Variants in BMPR1B observed in about 807,000 individuals in gnomAD.
BMPR1B encodes the protein bone morphogenetic protein receptor type 1B, also known as bone morphogenetic protein receptor type-1B.
BMPR1B carries 12 observed loss-of-function variants against 59.1 expected under a neutral mutation model. The ratio of observed to expected loss-of-function variants is 0.20; its 90% CI spans 0.13 to 0.33. The LOEUF (loss-of-function observed/expected upper bound fraction) is 0.33. BMPR1B is among the 10% of genes least tolerant of loss of function. The pLI, the probability that BMPR1B is intolerant of heterozygous loss-of-function variation, is 1.00. For synonymous variants in BMPR1B, 237 were observed against 207.3 expected, an observed-to-expected ratio of 1.14 and a Z score of -1.23; for missense variants, 550 against 610.9, an observed-to-expected ratio of 0.90 and a Z score of 1.05.
chr4:95,029,059 A>G (rs932976590), intron 3 of BMPR1B, among the ~76,000 whole-genome samples: 2 of 105,432 alleles, frequency 1.9e-5, no homozygotes, highest in East Asian at 2.6e-4. Flanking sequence ...GAGAACAGAA[A>G]CATTTTCTTT....
In BMPR1B at chr4:95,148,742, C is replaced by T. The variant is rs374118079; in HGVS notation, c.1077-6C>T. The stretch of plus-strand genomic sequence containing the variant: ...GCTGTAATGCTTTGCTTTACTTTTT[C>T]CTTAGTGATACAAATGAAGTTGACA... On this transcript the variant is annotated splice_polypyrimidine_tract_variant and splice_region_variant and intron_variant, in intron 10 of 12. Coordinates refer to ENST00000515059, the MANE Select transcript of BMPR1B (RefSeq NM_001203.3). 5.0e-6 allele frequency: 8 copies of T among 1,613,576 alleles called. No homozygotes were observed. Among genetic ancestry groups the T allele is most frequent in the Non-Finnish European group, 6.8e-6 (8 of 1,179,626 alleles).
intron 1 of BMPR1B, among the ~76,000 whole-genome samples, chr4:94,855,360 C>T (rs996693413): frequency 2.0e-5 from 3 of 152,268 alleles, no homozygotes; most frequent in Middle Eastern, 6.8e-3. Context: ...CAAGGTCACA[C>T]AGCTATTAAA....
chr4:94,983,007 CG>C (rs1560579356), intron 2 of BMPR1B, among the ~76,000 whole-genome samples: 2 of 150,224 alleles, frequency 1.3e-5, no homozygotes, highest in South Asian at 4.2e-4. Context: ...AAAAAACAAA[CG>C]AAAAAAAAAT....
rs1415495809 is a variant in BMPR1B, at chr4:95,157,559, A to G, written c.*2886A>G. 2 of 151,778 alleles carry G rather than the reference A, an allele frequency of 1.3e-5. No individual in the cohort carries two copies. Among genetic ancestry groups the G allele is most frequent in the Non-Finnish European group, 2.9e-5 (2 of 67,926 alleles). The allele number at this position is 151,778 out of a possible 1,614,324, so 9.4% of individuals were successfully genotyped here. A position where few individuals can be genotyped will look rare whatever the true frequency, so the allele number is the denominator to read the frequency against. The stretch of plus-strand genomic sequence containing the variant: ...CCTCTCAAAGGAATCCTAAATTATT[A>G]GTTGTTAGATAAGTTTTGTATGCTA... On this transcript the variant is annotated 3_prime_UTR_variant, in exon 13 of 13. Transcript: ENST00000515059.
intron 3 of BMPR1B, among the ~76,000 whole-genome samples, chr4:95,001,400 C>T (rs1722439725): frequency 6.6e-6 from 1 of 151,702 alleles, no homozygotes. Context: ...GGAGTACTCT[C>T]CCACTTCAAG....
At chr4:94,785,866 C>T (rs1722745696) in intron 1 of BMPR1B, among the ~76,000 whole-genome samples, 1 of 152,058 alleles carries the variant, frequency 6.6e-6, no homozygotes, top group African/African-American at 2.4e-5. Context: ...ATATTGAATC[C>T]TTAATTTTTT....
At chr4:95,049,983 G>A (rs767404290) in intron 3 of BMPR1B, among the ~76,000 whole-genome samples, 3 of 151,908 alleles carry the variant, frequency 2.0e-5, no homozygotes, top group Non-Finnish European at 4.4e-5. Flanking sequence ...ATTTATAGAA[G>A]CCCATATTGG....
rs2149333002 is a variant in BMPR1B, at chr4:95,154,737, G to A, written c.*64G>A. The A allele has an allele frequency of 6.3e-7, 1 of 1,597,944 alleles. No individual in the cohort carries two copies. Among genetic ancestry groups the A allele is most frequent in the South Asian group, 1.1e-5 (1 of 90,448 alleles). ...AGGTACTCTTCTGTTTGTGGGCAGAGCAAAAGACATCAAATAAGCATCCAC... is the reference window on the plus strand; with the variant it reads ...AGGTACTCTTCTGTTTGTGGGCAGAACAAAAGACATCAAATAAGCATCCAC... On this transcript the variant is annotated 3_prime_UTR_variant, in exon 13 of 13. Coordinates refer to ENST00000515059, the MANE Select transcript of BMPR1B (RefSeq NM_001203.3).
chr4:94,831,251 AC>A (rs765532810), intron 1 of BMPR1B, among the ~76,000 whole-genome samples: 110 of 151,418 alleles, frequency 7.3e-4, no homozygotes, highest in African/African-American at 1.3e-3. Context: ...AAAAAAAAAA[AC>A]GTAGAAGAAA....
At chr4:94,991,433 T>C (rs1229114309) in intron 2 of BMPR1B, among the ~76,000 whole-genome samples, 1 of 152,198 alleles carries the variant, frequency 6.6e-6, no homozygotes, top group Non-Finnish European at 1.5e-5. Flanking sequence ...ATTGAACCTA[T>C]ATTCTATGGG....
At chr4:94,813,474 T>C (rs1385782360) in intron 1 of BMPR1B, among the ~76,000 whole-genome samples, 1 of 152,090 alleles carries the variant, frequency 6.6e-6, no homozygotes, top group Non-Finnish European at 1.5e-5. Flanking sequence ...GCAGCAGGAA[T>C]GGTGACATGG....
At chr4:94,841,581 T>C (rs570880408) in intron 1 of BMPR1B, among the ~76,000 whole-genome samples, 4 of 149,428 alleles carry the variant, frequency 2.7e-5, no homozygotes, top group South Asian at 4.3e-4. Context: ...GCTGACCCCT[T>C]GCGCTTCCCG....
intron 2 of BMPR1B, among the ~76,000 whole-genome samples, chr4:94,936,195 C>G (rs1180679960): frequency 6.6e-6 from 1 of 152,166 alleles, no homozygotes; most frequent in Admixed American, 6.5e-5. Context: ...TGATAGTATA[C>G]CTCACAGAAA....
chr4:94,818,581 T>G (rs1053708661), intron 1 of BMPR1B, among the ~76,000 whole-genome samples: 3 of 152,220 alleles, frequency 2.0e-5, no homozygotes, highest in Non-Finnish European at 2.9e-5. Context: ...GAAATCCTCC[T>G]CTTGTGGAGC....
intron 1 of BMPR1B, among the ~76,000 whole-genome samples, chr4:94,865,902 T>C (rs1203561376): frequency 6.6e-6 from 1 of 152,200 alleles, no homozygotes; most frequent in East Asian, 1.9e-4. Context: ...AAGTGGATTT[T>C]TCTGATTTGT....
intron 1 of BMPR1B, among the ~76,000 whole-genome samples, chr4:94,826,014 G>A (rs553024019): frequency 1.9e-4 from 29 of 152,086 alleles, no homozygotes; most frequent in African/African-American, 7.0e-4. Context: ...TATTGGAACA[G>A]GATCTAAAGG....
At chr4:95,116,414 A>AGCGCGCGCGC (rs746066664) in intron 6 of BMPR1B, among the ~76,000 whole-genome samples, 21 of 74,256 alleles carry the variant, frequency 2.8e-4, no homozygotes, top group African/African-American at 8.9e-4. Flanking sequence ...CCATGCTTTC[A>AGCGCGCGCGC]GCGCGCGCAC....
intron 10 of BMPR1B, among the ~76,000 whole-genome samples, chr4:95,137,349 T>A (rs1256820448): frequency 6.6e-6 from 1 of 152,228 alleles, no homozygotes; most frequent in Non-Finnish European, 1.5e-5. Flanking sequence ...AATTTTGGAA[T>A]AAGTGCAATG....
chr4:94,816,711 A>C (rs1350162999), intron 1 of BMPR1B, among the ~76,000 whole-genome samples: 2 of 152,210 alleles, frequency 1.3e-5, no homozygotes, highest in Admixed American at 1.3e-4. Context: ...TTTATCTTCT[A>C]AAAAGTGAAT....
Sources: allele counts gnomAD v4.1 joint callset (sites outside exome capture counted in the v4.1 genomes callset), GRCh38; gene constraint gnomAD v4.1.1; transcripts MANE v1.5; gene names NCBI Gene and HGNC (gene_info 2026-07-23, HGNC 2026-07-21).